PTPRD: variants seen among roughly 807,000 people sequenced by gnomAD.
PTPRD encodes receptor-type tyrosine-protein phosphatase delta.
A neutral mutation model predicts 214.5 loss-of-function variants in PTPRD; 34 were observed. That is an observed-to-expected ratio of 0.16 (90% confidence interval 0.12 to 0.21). PTPRD has a LOEUF of 0.21. Ranked by LOEUF, PTPRD falls within the 10% of genes least tolerant of loss-of-function variation. The pLI, the probability that PTPRD is intolerant of heterozygous loss-of-function variation, is 1.00. For synonymous variants in PTPRD, 1,128 were observed against 845.7 expected, an observed-to-expected ratio of 1.33 and a Z score of -5.79; for missense variants, 2,545 against 2,398.7, an observed-to-expected ratio of 1.06 and a Z score of -1.27.
At chr9:8,605,635 T>A (rs1430631109) in intron 14 of PTPRD, among the ~76,000 whole-genome samples, 2 of 152,194 alleles carry the variant, frequency 1.3e-5, no homozygotes, top group African/African-American at 4.8e-5. Context: ...TATAAAACTT[T>A]CAAGATACTG....
chr9:9,191,305 G>A (rs2099935013), intron 9 of PTPRD, among the ~76,000 whole-genome samples: 1 of 152,056 alleles, frequency 6.6e-6, no homozygotes, highest in East Asian at 1.9e-4. Context: ...ATAGGAAGGG[G>A]TCTTCTGAGC....
At chr9:10,314,250 T>A (rs1596834437) in intron 3 of PTPRD, among the ~76,000 whole-genome samples, 1 of 151,816 alleles carries the variant, frequency 6.6e-6, no homozygotes, top group Admixed American at 6.6e-5. Context: ...AAAATTATTA[T>A]GATAGGACAG....
intron 9 of PTPRD, among the ~76,000 whole-genome samples, chr9:9,224,156 G>C (rs147922945): frequency 3.4e-4 from 51 of 152,094 alleles, no homozygotes; most frequent in African/African-American, 1.2e-3. Flanking sequence ...GAGAGAGACA[G>C]GCAGCTACAG....
chr9:8,995,170 C>G (rs932631880), intron 11 of PTPRD, among the ~76,000 whole-genome samples: 3 of 151,958 alleles, frequency 2.0e-5, no homozygotes, highest in African/African-American at 7.3e-5. Flanking sequence ...ATAGATATAA[C>G]AACCAAATGC....
chr9:9,419,126 T>TACACACAC lies in PTPRD; in HGVS notation c.-236-21645_-236-21644insGTGTGTGT, dbSNP rs1367814167. ...TTATGAATTCTAAAGATAGGCCCCT[T>TACACACAC]ATACACACACACACACACACACACA... is the stretch of plus-strand genomic sequence containing the variant. On this transcript the variant is annotated intron_variant, in intron 8 of 45. Coordinates refer to ENST00000381196, the MANE Select transcript of PTPRD (RefSeq NM_002839.4). Among the ~76,000 whole-genome samples, 223 of 69,226 alleles carry TACACACAC rather than the reference T, an allele frequency of 3.2e-3. 1 individual carries two copies. In the Middle Eastern group the frequency reaches 0.11, roughly 33 times the overall value. The allele number at this position is 69,226 out of a possible 152,430, so 45.4% of individuals were successfully genotyped here.
intron 3 of PTPRD, among the ~76,000 whole-genome samples, chr9:10,049,025 T>C (rs2097464240): frequency 6.6e-6 from 1 of 152,020 alleles, no homozygotes; most frequent in Non-Finnish European, 1.5e-5. Flanking sequence ...GTCCTTGAAC[T>C]GGATAAAGAT....
chr9:10,025,820 G>A (rs112015152), intron 4 of PTPRD, among the ~76,000 whole-genome samples: 63 of 152,132 alleles, frequency 4.1e-4, no homozygotes, highest in African/African-American at 1.5e-3. Flanking sequence ...AAGACTCTGA[G>A]GAAACCATGT....
At chr9:9,273,297 T>C (rs1451016313) in intron 9 of PTPRD, among the ~76,000 whole-genome samples, 9 of 151,232 alleles carry the variant, frequency 6.0e-5, no homozygotes, top group Non-Finnish European at 1.2e-4. Context: ...TGTGAAACAA[T>C]CGCTGAGTCA....
At chr9:9,019,456 G>T (rs560035929) in intron 10 of PTPRD, among the ~76,000 whole-genome samples, 1 of 152,156 alleles carries the variant, frequency 6.6e-6, no homozygotes, top group African/African-American at 2.4e-5. Flanking sequence ...TGTTATCCCA[G>T]GACTTGGGGA....
Position 9,892,684 on chromosome 9 carries a change from A to G in PTPRD, c.-368+45823T>C, listed in dbSNP as rs112682628. On this transcript the variant is annotated intron_variant, in intron 5 of 45. Coordinates refer to ENST00000381196, the MANE Select transcript of PTPRD (RefSeq NM_002839.4). ...TGCTGGTCAAAGACAGACTTTGGTG[A>G]TGCATGAGGGTGACCAAGAGAGAAG... 2.8e-3 allele frequency among the ~76,000 whole-genome samples: 431 copies of G among 152,056 alleles called. 4 individuals carry two copies. The highest frequency in any genetic ancestry group is 0.01 in the African/African-American group (419 of 41,478).
At chr9:8,819,140 C>G (rs541724840) in intron 11 of PTPRD, among the ~76,000 whole-genome samples, 3 of 152,172 alleles carry the variant, frequency 2.0e-5, no homozygotes, top group Non-Finnish European at 4.4e-5. Flanking sequence ...AAATCACTAT[C>G]TTTGGTGATA....
chr9:9,219,966 G>T (rs1318060744), intron 9 of PTPRD, among the ~76,000 whole-genome samples: 1 of 152,032 alleles, frequency 6.6e-6, no homozygotes, highest in East Asian at 1.9e-4. Context: ...ATTTGATACG[G>T]ACTTTTCACA....
Position 10,324,447 on chromosome 9 carries a change from C to T in PTPRD, c.-545+16516G>A, listed in dbSNP as rs138895507. On this transcript the variant is annotated intron_variant, in intron 3 of 45. Transcript: ENST00000381196. The stretch of plus-strand genomic sequence containing the variant: ...ATGACTTCATAGCAAGAATGAAATT[C>T]AAAGACAAGTTATATGGCCAACAAG... 2.4e-3 allele frequency among the ~76,000 whole-genome samples: 366 copies of T among 152,030 alleles called. 3 individuals are homozygous for T. Among genetic ancestry groups the T allele is most frequent in the African/African-American group, 8.6e-3 (356 of 41,492 alleles).
chr9:9,656,751 G>A (rs77695037), intron 7 of PTPRD, among the ~76,000 whole-genome samples: 3 of 152,208 alleles, frequency 2.0e-5, no homozygotes, highest in Admixed American at 6.5e-5. Flanking sequence ...GAATCCTAAT[G>A]TGAACTATGA....
chr9:9,273,834 G>T (rs911350500), intron 9 of PTPRD, among the ~76,000 whole-genome samples: 5 of 151,170 alleles, frequency 3.3e-5, no homozygotes, highest in African/African-American at 1.2e-4. Flanking sequence ...ACCCATTCTT[G>T]TTCATCATTC....
At chr9:8,416,727 A>G (rs960860986) in intron 35 of PTPRD, among the ~76,000 whole-genome samples, 7 of 152,174 alleles carry the variant, frequency 4.6e-5, no homozygotes, top group African/African-American at 7.2e-5. Context: ...AGAAATAATC[A>G]GGTTAAATTA....
intron 9 of PTPRD, among the ~76,000 whole-genome samples, chr9:9,303,816 C>T (rs71497138): frequency 0.1 from 15,194 of 152,136 alleles, 735 homozygotes; most frequent in Middle Eastern, 0.18. Flanking sequence ...ATAAGGCAAA[C>T]AAACAAACAC....
chr9:8,526,836 T>C (rs1217603594), intron 16 of PTPRD, among the ~76,000 whole-genome samples, 192 bp from the exon 17 acceptor site: 1 of 152,116 alleles, frequency 6.6e-6, no homozygotes, highest in Non-Finnish European at 1.5e-5. Context: ...AAAAACAAGT[T>C]GCATTATACC....
Position 8,465,514 on chromosome 9 carries a change from A to C in PTPRD, c.3666T>G (p.Gly1222=), listed in dbSNP as rs753581979. ...GGFTNKQLQS[G]QEYVFFVLAV... ...CTAACACAAAGAAGACATATTCTTG[A>C]CCACTTTGGAGTTGCTTGTTTGTAA... Residue 1222 remains glycine, a synonymous_variant, in exon 32 of 46, where the codon GGT becomes GGG. Transcript: ENST00000381196. The C allele has an allele frequency of 1.2e-5, 19 of 1,612,448 alleles. No homozygotes were observed. In the African/African-American group the frequency reaches 2.5e-4, roughly 22 times the overall value.
Sources: gnomAD v4.1 joint callset for allele counts (sites outside exome capture counted in the v4.1 genomes callset) on GRCh38, gnomAD v4.1.1 for gene constraint, MANE v1.5 for transcripts, NCBI Gene and HGNC (gene_info 2026-07-23, HGNC 2026-07-21) for gene names.